The following SOX5 variants were observed in gnomAD, a reference collection of about 807,000 sequenced individuals.
SOX5 encodes the protein transcription factor SOX-5.
Under a neutral mutation model 92.0 loss-of-function variants are expected in SOX5, and 9 were observed. The observed-to-expected ratio is 0.10, with a 90% confidence interval of 0.06 to 0.17. The LOEUF (loss-of-function observed/expected upper bound fraction) is 0.17, where lower values mean the gene tolerates loss of function less well. Ranked by LOEUF, SOX5 falls within the 10% of genes least tolerant of loss-of-function variation. SOX5 has a pLI of 1.00. For synonymous variants in SOX5, 344 were observed against 336.3 expected (o/e 1.02, Z -0.25); for missense variants, 642 against 944.5 (o/e 0.68, Z 4.20).
chr12:23,862,896 A>G (rs968772204), intron 2 of SOX5, among the ~76,000 whole-genome samples: 14 of 152,226 alleles, frequency 9.2e-5, no homozygotes, highest in Admixed American at 7.2e-4. Flanking sequence ...TTCTTATCCA[A>G]TTCCACAGAG....
intron 3 of SOX5, among the ~76,000 whole-genome samples, chr12:24,264,317 T>C (rs1942696938): frequency 1.3e-5 from 2 of 152,216 alleles, no homozygotes; most frequent in Non-Finnish European, 2.9e-5. Flanking sequence ...AGTAAATCTA[T>C]ACATACATTT....
At chr12:24,007,050 T>G (rs573627433) in intron 4 of SOX5, among the ~76,000 whole-genome samples, 145 of 148,202 alleles carry the variant, frequency 9.8e-4, no homozygotes, top group African/African-American at 3.5e-3. Context: ...GGAGAACCAC[T>G]TGAACCCAGG....
intron 1 of SOX5, among the ~76,000 whole-genome samples, chr12:24,496,800 A>G (rs1039093334): frequency 2.6e-5 from 4 of 152,222 alleles, no homozygotes; most frequent in Non-Finnish European, 5.9e-5. Flanking sequence ...CTTGCTTGAA[A>G]TCAAACTTCT....
intron 6 of SOX5, among the ~76,000 whole-genome samples, chr12:23,697,112 A>G (rs1593380879): frequency 6.6e-6 from 1 of 152,300 alleles, no homozygotes. Context: ...GAATAGTGTC[A>G]TTCAATTCTT....
At chr12:24,150,180 A>C (rs764505375) in intron 4 of SOX5, among the ~76,000 whole-genome samples, 9 of 152,174 alleles carry the variant, frequency 5.9e-5, no homozygotes, top group Non-Finnish European at 1.2e-4. Flanking sequence ...ATTGTACAAT[A>C]TGTATATGAT....
chr12:23,769,893 A>G (rs2094868286), intron 3 of SOX5, among the ~76,000 whole-genome samples: 1 of 152,082 alleles, frequency 6.6e-6, no homozygotes, highest in Non-Finnish European at 1.5e-5. Context: ...ATTATAATCA[A>G]TTTTTTATAA....
At chr12:24,277,920 G>A (rs778253943) in intron 2 of SOX5, among the ~76,000 whole-genome samples, 2 of 152,086 alleles carry the variant, frequency 1.3e-5, no homozygotes, top group South Asian at 2.1e-4. Flanking sequence ...TCTGAGTGCC[G>A]TGCTCAGCTC....
chr12:23,539,024 G>C (rs1036917105), intron 13 of SOX5, among the ~76,000 whole-genome samples: 1 of 151,572 alleles, frequency 6.6e-6, no homozygotes, highest in Admixed American at 6.6e-5. Context: ...CCAGGATGGT[G>C]TCAATCTCCT....
intron 4 of SOX5, among the ~76,000 whole-genome samples, chr12:24,190,150 G>C (rs979275799): frequency 2.0e-5 from 3 of 152,166 alleles, no homozygotes; most frequent in African/African-American, 7.2e-5. Context: ...AAATAGCACA[G>C]AAAACACAAA....
chr12:23,895,208 CAAAA>C (rs33970684), intron 2 of SOX5, among the ~76,000 whole-genome samples: 1 of 91,324 alleles, frequency 1.1e-5, no homozygotes, highest in South Asian at 4.2e-4. Context: ...GAATAGGATG[CAAAA>C]AAAAAAAAAA....
chr12:24,210,692 C>T (rs1958512887), intron 4 of SOX5, among the ~76,000 whole-genome samples: 1 of 151,970 alleles, frequency 6.6e-6, no homozygotes, highest in East Asian at 1.9e-4. Context: ...TTATACAAAG[C>T]CAAAAACCGT....
intron 2 of SOX5, among the ~76,000 whole-genome samples, chr12:23,890,919 C>T (rs900511810): frequency 1.2e-4 from 19 of 152,050 alleles, no homozygotes; most frequent in African/African-American, 4.6e-4. Context: ...CAGAATCATA[C>T]TTTCACATTG....
intron 4 of SOX5, among the ~76,000 whole-genome samples, chr12:24,011,882 A>T (rs1473756675): frequency 1.3e-5 from 2 of 152,186 alleles, no homozygotes; most frequent in East Asian, 1.9e-4. Context: ...TTGACTAACA[A>T]GAGAAAATAT....
intron 1 of SOX5, among the ~76,000 whole-genome samples, chr12:23,910,582 A>T (rs1356740730): frequency 6.6e-6 from 1 of 152,150 alleles, no homozygotes; most frequent in Non-Finnish European, 1.5e-5. Context: ...TGCCCAAGGA[A>T]ATCCCAGGGC....
At chr12:23,830,344 G>C (rs2096295644) in intron 3 of SOX5, among the ~76,000 whole-genome samples, 1 of 152,118 alleles carries the variant, frequency 6.6e-6, no homozygotes, top group African/African-American at 2.4e-5. Flanking sequence ...ACTCTAGCTT[G>C]CTCAACAAGA....
At chr12:24,280,922 G>T (rs561502619) in intron 2 of SOX5, among the ~76,000 whole-genome samples, 1 of 149,228 alleles carries the variant, frequency 6.7e-6, no homozygotes, top group South Asian at 2.1e-4. Flanking sequence ...ATCAAATATA[G>T]GGCAACCCAG....
At chr12:23,565,348 T>C (rs569895681) in intron 10 of SOX5, among the ~76,000 whole-genome samples, 2 of 152,332 alleles carry the variant, frequency 1.3e-5, no homozygotes, top group African/African-American at 2.4e-5. Flanking sequence ...TCTTGGTATA[T>C]GTTCATTTAG....
At chr12:23,701,003 T>C (rs775754162) in intron 6 of SOX5, among the ~76,000 whole-genome samples, 2 of 151,842 alleles carry the variant, frequency 1.3e-5, no homozygotes, top group Non-Finnish European at 2.9e-5. Context: ...CTTAATTTCA[T>C]ATGGAGTATT....
At chr12:23,998,826 G>GA (rs1192700065) in intron 4 of SOX5, among the ~76,000 whole-genome samples, 1 of 107,656 alleles carries the variant, frequency 9.3e-6, no homozygotes, top group African/African-American at 3.4e-5. Context: ...AAAAAAAAAA[G>GA]GGGGGGCGAA....
Sources: gnomAD v4.1 joint callset for allele counts (sites outside exome capture counted in the v4.1 genomes callset) on GRCh38, gnomAD v4.1.1 for gene constraint, MANE v1.5 for transcripts, NCBI Gene and HGNC (gene_info 2026-07-23, HGNC 2026-07-21) for gene names.